The following UTS2B variants were observed in gnomAD, a reference collection of about 807,000 sequenced individuals.
UTS2B encodes the protein urotensin-2B.
Under a neutral mutation model 19.2 loss-of-function variants are expected in UTS2B, and 21 were observed. The observed-to-expected ratio is 1.09, with a 90% CI of 0.78 to 1.58. The LOEUF (loss-of-function observed/expected upper bound fraction) is 1.58, where lower values mean the gene tolerates loss of function less well. Among genes scored for constraint, UTS2B ranks in the 40% most tolerant of loss-of-function variants. The pLI is 0.00. For synonymous variants in UTS2B, 57 were observed against 50.2 expected (o/e 1.14, Z -0.58); for missense variants, 138 against 130.3 (o/e 1.06, Z -0.29).
rs1029573004 is a variant in UTS2B, at chr3:191,294,695, T to C, written c.-125+9797A>G. ...TTCCTTTTATAGCTTGCATCTTTAA[T>C]CTCTCTCTCTACATAATTTTCCCAA... On this transcript the variant is annotated intron_variant, in intron 4 of 8. Transcript: ENST00000340524. 8.6e-5 allele frequency: 13 copies of C among 150,378 alleles called. 1 individual carries two copies. Among genetic ancestry groups the C allele is most frequent in the African/African-American group, 2.7e-4 (11 of 40,506 alleles). 9.3% of individuals were successfully genotyped at this position (150,378 alleles called of 1,614,324 possible). A position where few individuals can be genotyped will look rare whatever the true frequency, so the allele number is the denominator to read the frequency against.
chr3:191,296,499 G>A (rs1716862047), intron 4 of UTS2B, among the ~76,000 whole-genome samples: 1 of 152,160 alleles, frequency 6.6e-6, no homozygotes, highest in Non-Finnish European at 1.5e-5. Context: ...ATATGCCACT[G>A]TGTATATTTA....
chr3:191,270,233 G>A (rs960331272), intron 8 of UTS2B, among the ~76,000 whole-genome samples: 1 of 152,158 alleles, frequency 6.6e-6, no homozygotes, highest in African/African-American at 2.4e-5. Flanking sequence ...GTTCAGCTTT[G>A]TCACCGAAGC....
At chr3:191,271,676 G>A (rs1279995221) in intron 8 of UTS2B, among the ~76,000 whole-genome samples, 3 of 152,106 alleles carry the variant, frequency 2.0e-5, no homozygotes, top group African/African-American at 7.2e-5. Context: ...GGAATGATCT[G>A]AGTCTCAGTT....
At chr3:191,345,558 A>G in the UTS2B span, among the ~76,000 whole-genome samples, 5 of 152,098 alleles carry the variant, frequency 3.3e-5, no homozygotes, top group Non-Finnish European at 5.9e-5. Flanking sequence ...GCTGATAATG[A>G]TGTAGATGGT....
chr3:191,340,204 G>A, the UTS2B span, among the ~76,000 whole-genome samples: 2 of 152,208 alleles, frequency 1.3e-5, no homozygotes, highest in Non-Finnish European at 2.9e-5. Flanking sequence ...ACTTGTCAAA[G>A]TTCATTCACT....
intron 4 of UTS2B, among the ~76,000 whole-genome samples, chr3:191,290,092 TA>T (rs1421911432): frequency 6.6e-6 from 1 of 152,210 alleles, no homozygotes; most frequent in Non-Finnish European, 1.5e-5. Flanking sequence ...AATTGATTTT[TA>T]AAAAGAGACA....
intron 8 of UTS2B, among the ~76,000 whole-genome samples, chr3:191,271,794 G>C (rs1172795698): frequency 6.6e-6 from 1 of 151,998 alleles, no homozygotes; most frequent in Non-Finnish European, 1.5e-5. Context: ...CTCTAATCTG[G>C]GCTGACTGAA....
chr3:191,310,270 A>ATT (rs35657398), intron 3 of UTS2B, among the ~76,000 whole-genome samples: 27 of 147,164 alleles, frequency 1.8e-4, no homozygotes, highest in East Asian at 1.4e-3. Flanking sequence ...CCAGCCAGGT[A>ATT]TTTTTTTTTT....
intron 4 of UTS2B, among the ~76,000 whole-genome samples, chr3:191,296,273 A>G (rs375686762): frequency 1.1e-5 from 1 of 94,818 alleles, no homozygotes; most frequent in African/African-American, 3.8e-5. Context: ...TCACACACAC[A>G]CATACACACA....
At chr3:191,341,745 G>T in the UTS2B span, among the ~76,000 whole-genome samples, 1 of 152,144 alleles carries the variant, frequency 6.6e-6, no homozygotes, top group Non-Finnish European at 1.5e-5. Context: ...CCCCACTCTT[G>T]TGAAACTGCA....
chr3:191,319,771 G>A (rs1311855055), intron 2 of UTS2B, among the ~76,000 whole-genome samples: 3 of 151,260 alleles, frequency 2.0e-5, no homozygotes, highest in Admixed American at 6.6e-5. Context: ...GGGAGGCTGA[G>A]GCAGGAGACG....
chr3:191,273,492 T>G (rs1716146140), intron 8 of UTS2B: 1 of 456,764 alleles, frequency 2.2e-6, no homozygotes, highest in South Asian at 1.5e-5. Flanking sequence ...AAAGCTGGGA[T>G]GTATCCTTTA....
At chr3:191,320,967 G>C (rs1028382622) in intron 2 of UTS2B, among the ~76,000 whole-genome samples, 1 of 152,234 alleles carries the variant, frequency 6.6e-6, no homozygotes, top group African/African-American at 2.4e-5. Flanking sequence ...GGGCCTATAA[G>C]AGATGATTAG....
chr3:191,270,987 G>C (rs566224089), intron 8 of UTS2B, among the ~76,000 whole-genome samples: 1 of 152,142 alleles, frequency 6.6e-6, no homozygotes, highest in East Asian at 1.9e-4. Context: ...TGGCAGACAT[G>C]AGGTCAGGAG....
chr3:191,278,260 A>G lies in UTS2B; in HGVS notation c.104-90T>C, dbSNP rs548633771. On this transcript the variant is annotated intron_variant, in intron 5 of 8. Transcript: ENST00000340524. Reference sequence around the variant, plus strand: ...CTTACAGGCTACTATCAATTTGTATATTTGACAACGAAAGAAATGTAGAGA... The same window carrying G: ...CTTACAGGCTACTATCAATTTGTATGTTTGACAACGAAAGAAATGTAGAGA... 3 of 649,626 alleles carry G rather than the reference A, an allele frequency of 4.6e-6. No individual in the cohort carries two copies. The East Asian group carries it at 9.2e-5, about 20-fold the overall frequency. 40.2% of individuals were successfully genotyped at this position (649,626 alleles called of 1,614,324 possible).
At chr3:191,279,817 T>C (rs1382922581) in intron 5 of UTS2B, among the ~76,000 whole-genome samples, 1 of 152,114 alleles carries the variant, frequency 6.6e-6, no homozygotes, top group African/African-American at 2.4e-5. Context: ...AAAAAGTTGA[T>C]TTCTAAAGTA....
chr3:191,315,070 G>A (rs1371985783), intron 3 of UTS2B, among the ~76,000 whole-genome samples: 1 of 150,092 alleles, frequency 6.7e-6, no homozygotes, highest in Non-Finnish European at 1.5e-5. Flanking sequence ...GGAGTGCAAT[G>A]GCACAATCTT....
Position 191,282,802 on chromosome 3 carries a change from T to A in UTS2B, c.-124-489A>T, listed in dbSNP as rs1193090823. On this transcript the variant is annotated intron_variant, in intron 4 of 8. Transcript: ENST00000340524. ...GAATCATAATGGGATCACATTACTGTCTCACTATATTAGAAAAGGATGGCT... is the reference window on the plus strand; with the variant it reads ...GAATCATAATGGGATCACATTACTGACTCACTATATTAGAAAAGGATGGCT... Among the ~76,000 whole-genome samples the A allele has an allele frequency of 2.0e-5, 3 of 152,202 alleles. No individual in the cohort carries two copies. In the East Asian group the frequency reaches 5.8e-4, roughly 29 times the overall value.
chr3:191,276,864 C>A lies in UTS2B; in HGVS notation c.203-20G>T, dbSNP rs192859286. Reference sequence around the variant, plus strand: ...CTAGGTCTGCAAGACACATTTGTCACATGAAAAAACGTACATTGCAAGTAA... The same window carrying A: ...CTAGGTCTGCAAGACACATTTGTCAAATGAAAAAACGTACATTGCAAGTAA... On this transcript the variant is annotated intron_variant, in intron 6 of 8. Coordinates refer to ENST00000340524, the MANE Select transcript of UTS2B (RefSeq NM_198152.5). 2.9e-4 allele frequency: 462 copies of A among 1,606,542 alleles called. No homozygotes were observed. The African/African-American group carries it at 5.3e-3, about 18-fold the overall frequency.
Sources: allele counts gnomAD v4.1 joint callset (sites outside exome capture counted in the v4.1 genomes callset), GRCh38; gene constraint gnomAD v4.1.1; transcripts MANE v1.5; gene names NCBI Gene and HGNC (gene_info 2026-07-23, HGNC 2026-07-21).